The following IFT172 variants were observed in gnomAD, a reference collection of about 807,000 sequenced individuals.
IFT172 encodes the protein intraflagellar transport protein 172 homolog.
Under a neutral mutation model 248.9 loss-of-function variants are expected in IFT172, and 164 were observed. The ratio of observed to expected loss-of-function variants is 0.66; its 90% CI spans 0.58 to 0.75. IFT172 has a LOEUF of 0.75. IFT172 is among the 30% of genes least tolerant of loss of function. The pLI is 0.00. For missense variants in IFT172, 1,950 were observed against 2,192.4 expected, an observed-to-expected ratio of 0.89 and a Z score of 2.21; for synonymous variants, 729 against 791.6, an observed-to-expected ratio of 0.92 and a Z score of 1.33.
At chr2:27,481,761 G>A (rs955549859) in intron 7 of IFT172, among the ~76,000 whole-genome samples, 3 of 151,670 alleles carry the variant, frequency 2.0e-5, no homozygotes, top group African/African-American at 7.3e-5. Context: ...GGCTGGTCTC[G>A]AACTCCTGAC....
At chr2:27,459,146 A>C (rs1031637120) in intron 25 of IFT172, 20 of 626,510 alleles carry the variant, frequency 3.2e-5, no homozygotes, top group Admixed American at 6.4e-5. Context: ...AATCACGCTG[A>C]CTGGAACACA....
chr2:27,474,681 A>AATCCC (rs1419014264), intron 14 of IFT172, among the ~76,000 whole-genome samples: 5 of 152,118 alleles, frequency 3.3e-5, no homozygotes, highest in African/African-American at 9.7e-5. Context: ...CCTCCCGAGT[A>AATCCC]GCTGGGATTA....
intron 15 of IFT172, chr2:27,472,011 C>G: frequency 1.8e-6 from 1 of 567,832 alleles, no homozygotes; most frequent in Non-Finnish European, 3.1e-6. Flanking sequence ...GCACTCCAGC[C>G]TGGGTGACAG....
At chr2:27,489,497 G>T in intron 1 of IFT172, 118 bp downstream of exon 1, 1 of 717,180 alleles carries the variant, frequency 1.4e-6, no homozygotes, top group Non-Finnish European at 2.4e-6. Flanking sequence ...CCAGATCATC[G>T]CTATATCCCT....
intron 14 of IFT172, among the ~76,000 whole-genome samples, chr2:27,474,148 C>T (rs2148536082): frequency 6.6e-6 from 1 of 152,290 alleles, no homozygotes; most frequent in South Asian, 2.1e-4. Context: ...ATGAGACCTA[C>T]AGAGTGAAAT....
Position 27,461,264 on chromosome 2 carries a change from C to T in IFT172, c.2442+5G>A, listed in dbSNP as rs1666641444. The T allele has an allele frequency of 1.2e-6, 2 of 1,613,968 alleles. No individual in the cohort carries two copies. Among genetic ancestry groups the T allele is most frequent in the African/African-American group, 1.3e-5 (1 of 75,040 alleles). On this transcript the variant is annotated splice_donor_5th_base_variant and intron_variant, in intron 22 of 47. Coordinates refer to ENST00000260570, the MANE Select transcript of IFT172 (RefSeq NM_015662.3). ...ATAAGGGCTAGGAAAAGGAAGCCAGCATACCCTTTCGTAGAGTTCCCCCTT... is the reference window on the plus strand; with the variant it reads ...ATAAGGGCTAGGAAAAGGAAGCCAGTATACCCTTTCGTAGAGTTCCCCCTT...
intron 13 of IFT172, 123 bp downstream of exon 13, chr2:27,477,094 G>A (rs1465775554): frequency 3.5e-6 from 3 of 848,246 alleles, no homozygotes; most frequent in African/African-American, 1.7e-5. Context: ...CAAAGTGCTG[G>A]GATTATAGGC....
chr2:27,476,921 C>T (rs142566676), intron 13 of IFT172, 195 bp from the exon 14 acceptor site: 11 of 591,550 alleles, frequency 1.9e-5, no homozygotes, highest in Non-Finnish European at 3.0e-5. Flanking sequence ...TTCCCAGGCT[C>T]CGGGTGATTC....
At position 27,481,179 on chromosome 2, in the gene IFT172, T is replaced by C. The variant is rs1668330496; in HGVS notation, c.652A>G (p.Lys218Glu). ...NSIVAAGCDR[K>E]IVAYGKEGHM... Reference sequence around the variant, plus strand: ...CCTTCTTTTCCATAGGCTACAATTTTCCGATCACAGCCTGCAGCCACGATG... The same window carrying C: ...CCTTCTTTTCCATAGGCTACAATTTCCCGATCACAGCCTGCAGCCACGATG... The change falls in exon 8 of 48, where the codon AAA becomes GAA. Residue 218 changes from lysine to glutamate, a missense_variant. Transcript: ENST00000260570. 2 of 1,613,298 alleles carry C rather than the reference T, an allele frequency of 1.2e-6. No homozygotes were observed. Among genetic ancestry groups the C allele is most frequent in the Non-Finnish European group, 1.7e-6 (2 of 1,180,004 alleles).
At chr2:27,456,938 G>A (rs551642160) in intron 29 of IFT172, among the ~76,000 whole-genome samples, 4 of 152,106 alleles carry the variant, frequency 2.6e-5, no homozygotes, top group East Asian at 1.9e-4. Context: ...CCAGCTACTC[G>A]GGAGGCTGAG....
intron 16 of IFT172, among the ~76,000 whole-genome samples, chr2:27,467,418 GAAAAAAA>G (rs34115935): frequency 6.1e-5 from 1 of 16,428 alleles, no homozygotes; most frequent in Non-Finnish European, 1.1e-4. Flanking sequence ...ACAGAAAATT[GAAAAAAA>G]AAAAAAAAAA....
In IFT172 at chr2:27,489,597, T is replaced by G. The variant is rs1669020585; in HGVS notation, c.39+18A>C. The G allele has an allele frequency of 6.2e-7, 1 of 1,602,212 alleles. No individual in the cohort carries two copies. Among genetic ancestry groups the G allele is most frequent in the African/African-American group, 1.3e-5 (1 of 74,780 alleles). ...AACATAAAGCATAAGGGGGAGGGACTGGCACGCAATTCCTCACCTGAGGGC... is the reference window on the plus strand; with the variant it reads ...AACATAAAGCATAAGGGGGAGGGACGGGCACGCAATTCCTCACCTGAGGGC... On this transcript the variant is annotated intron_variant, in intron 1 of 47. Transcript: ENST00000260570.
At chr2:27,455,298 C>A (rs779406283) in intron 30 of IFT172, 2 of 328,858 alleles carry the variant, frequency 6.1e-6, no homozygotes, top group Non-Finnish European at 1.2e-5. Flanking sequence ...GGTAAATTGG[C>A]GATTTTGAAA....
intron 30 of IFT172, chr2:27,455,804 A>G: frequency 2.1e-6 from 1 of 485,274 alleles, no homozygotes; most frequent in Non-Finnish European, 3.9e-6. Flanking sequence ...GGCATCATGG[A>G]CCATGAAGAA....
chr2:27,449,998 T>G lies in IFT172; in HGVS notation c.4050A>C (p.Ala1350=), dbSNP rs761898271. 2 of 1,609,862 alleles carry G rather than the reference T, an allele frequency of 1.2e-6. No individual in the cohort carries two copies. The highest frequency in any genetic ancestry group is 1.1e-5 in the South Asian group (1 of 90,998). ...PQLIGIGKHS[A]AAELYLNLDL... is the part of the protein sequence containing the mutation. The stretch of plus-strand genomic sequence containing the variant: ...TGTTCCATCTCAGCATCCTACTTAC[T>G]GCACTGTGCTTTCCAATTCCAATCA... The change falls in exon 36 of 48, where the codon GCA becomes GCC. Residue 1350 remains alanine, a splice_region_variant and synonymous_variant. Transcript: ENST00000260570.
rs1667516037 is a variant in IFT172, at chr2:27,470,916, T to A, written c.1692+12A>T. On this transcript the variant is annotated intron_variant, in intron 16 of 47. Transcript: ENST00000260570. Reference sequence around the variant, plus strand: ...CAATACCACATCTGAGGGCCCCTAGTGTCCAACATACCCTAATAGTGAACA... The same window carrying A: ...CAATACCACATCTGAGGGCCCCTAGAGTCCAACATACCCTAATAGTGAACA... 1.9e-6 allele frequency: 3 copies of A among 1,574,304 alleles called. No homozygotes were observed. Among genetic ancestry groups the A allele is most frequent in the Non-Finnish European group, 8.6e-7 (1 of 1,163,324 alleles).
Sources: allele counts gnomAD v4.1 joint callset (sites outside exome capture counted in the v4.1 genomes callset), GRCh38; gene constraint gnomAD v4.1.1; transcripts MANE v1.5; gene names NCBI Gene and HGNC (gene_info 2026-07-23, HGNC 2026-07-21).